Variants in RFFL observed in about 807,000 individuals in gnomAD.
RFFL encodes ring finger and FYVE like domain containing E3 ubiquitin protein ligase.
A neutral mutation model predicts 40.4 loss-of-function variants in RFFL; 16 were observed. The observed-to-expected ratio is 0.40, with a 90% CI of 0.27 to 0.60. The LOEUF is 0.60. RFFL is among the 20% of genes least tolerant of loss of function. The probability of loss-of-function intolerance (pLI) is 0.47; values close to 1 mark genes in which losing one functional copy is unlikely to be tolerated. For missense variants in RFFL, 367 were observed against 451.7 expected (o/e 0.81, Z 1.70); for synonymous variants, 154 against 167.9 (o/e 0.92, Z 0.64).
chr17:35,075,993 T>A (rs2091374107), intron 1 of RFFL, among the ~76,000 whole-genome samples: 2 of 140,306 alleles, frequency 1.4e-5, no homozygotes, highest in African/African-American at 5.4e-5. Flanking sequence ...ATTCTTTTTT[T>A]TTTTTTTTTT....
chr17:35,084,880 A>T (rs1229910053), intron 1 of RFFL, among the ~76,000 whole-genome samples: 1 of 152,138 alleles, frequency 6.6e-6, no homozygotes, highest in East Asian at 1.9e-4. Context: ...AGATCCCGCC[A>T]CTGCACTCCA....
chr17:35,046,433 G>C (rs2091200730), intron 1 of RFFL, among the ~76,000 whole-genome samples: 1 of 152,180 alleles, frequency 6.6e-6, no homozygotes, highest in Non-Finnish European at 1.5e-5. Context: ...ACACACCCAG[G>C]TCTGGGTGTA....
chr17:35,073,794 C>T (rs2091362951), intron 1 of RFFL: 1 of 152,130 alleles, frequency 6.6e-6, no homozygotes, highest in African/African-American at 2.4e-5. Flanking sequence ...CACACACACA[C>T]ACACACACAA....
intron 1 of RFFL, among the ~76,000 whole-genome samples, chr17:35,087,949 C>A (rs1030730375): frequency 6.6e-6 from 1 of 152,172 alleles, no homozygotes; most frequent in Non-Finnish European, 1.5e-5. Flanking sequence ...ACTCTGTACA[C>A]AAATTCAGCC....
chr17:35,072,827 T>C (rs1463556340), intron 1 of RFFL, among the ~76,000 whole-genome samples: 1 of 152,096 alleles, frequency 6.6e-6, no homozygotes, highest in Admixed American at 6.5e-5. Flanking sequence ...GTGGATCACC[T>C]GAGGTGGAGA....
At chr17:35,023,813 C>G (rs1351447711) in intron 2 of RFFL, among the ~76,000 whole-genome samples, 1 of 152,202 alleles carries the variant, frequency 6.6e-6, no homozygotes, top group Non-Finnish European at 1.5e-5. Context: ...AGAATGCAGA[C>G]AACAACCTAG....
intron 1 of RFFL, among the ~76,000 whole-genome samples, chr17:35,075,275 T>A (rs1490832105): frequency 6.6e-6 from 1 of 152,186 alleles, no homozygotes; most frequent in Non-Finnish European, 1.5e-5. Context: ...GCTAAAAAGG[T>A]AAATTTGTTC....
rs953866451 is a variant in RFFL at position 35,021,395 on chromosome 17, T to C, written c.567A>G (p.Pro189=). 1 of 1,522,282 alleles carries C rather than the reference T, an allele frequency of 6.6e-7. No individual in the cohort carries two copies. Among genetic ancestry groups the C allele is most frequent in the Non-Finnish European group, 8.8e-7 (1 of 1,137,422 alleles). The allele number at this position is 1,522,282 out of a possible 1,614,324, so 94.3% of individuals were successfully genotyped here. The change falls in exon 3 of 7, where the codon CCA becomes CCG. Residue 189 remains proline, a synonymous_variant. Transcript: ENST00000394597. ...CCTGCTGATTCTCCTGAACCTGGGC[T>C]GGGGGAACAGAGGTGGCTTGTGCAG... ...SSSAQATSVP[P]AQVQENQQAN...
Position 35,052,288 on chromosome 17 carries a change from T to G in RFFL, c.-9+11288A>C, listed in dbSNP as rs560247771. On this transcript the variant is annotated intron_variant, in intron 1 of 6. Transcript: ENST00000394597. ...AACATGCATTGGAAAATTTCCCTCT[T>G]GAAAGCAATATACTGACAAATTTTA... Among the ~76,000 whole-genome samples the G allele has an allele frequency of 3.9e-5, 6 of 152,336 alleles. No homozygotes were observed. The South Asian group carries it at 1.2e-3, about 32-fold the overall frequency.
At chr17:35,063,198 A>G (rs543453569) in intron 1 of RFFL, among the ~76,000 whole-genome samples, 1 of 152,208 alleles carries the variant, frequency 6.6e-6, no homozygotes, top group South Asian at 2.1e-4. Flanking sequence ...GCTCATGCCT[A>G]TAATTCCAGC....
intron 1 of RFFL, among the ~76,000 whole-genome samples, chr17:35,085,758 A>T (rs753971326): frequency 3.3e-5 from 5 of 152,164 alleles, no homozygotes; most frequent in Non-Finnish European, 7.3e-5. Flanking sequence ...TAAAAAGGAA[A>T]CTGTTTAAAA....
chr17:35,041,512 T>C (rs1185295795), intron 1 of RFFL, among the ~76,000 whole-genome samples: 1 of 151,986 alleles, frequency 6.6e-6, no homozygotes, highest in Non-Finnish European at 1.5e-5. Flanking sequence ...TGACCACTTC[T>C]CCAATTCATG....
At chr17:35,045,700 TA>T (rs909483584) in intron 1 of RFFL, among the ~76,000 whole-genome samples, 20 of 150,890 alleles carry the variant, frequency 1.3e-4, no homozygotes, top group African/African-American at 4.9e-4. Flanking sequence ...GAGCGCTTTT[TA>T]AAAAAAAAGG....
intron 1 of RFFL, among the ~76,000 whole-genome samples, chr17:35,080,110 CACTCCT>C (rs2091396850): frequency 6.6e-6 from 1 of 152,096 alleles, no homozygotes; most frequent in Non-Finnish European, 1.5e-5. Flanking sequence ...CCCTAGAAAA[CACTCCT>C]TCCTCTCTCT....
chr17:35,017,377 T>C lies in RFFL; in HGVS notation c.675+146A>G. 4.8e-6 allele frequency: 3 copies of C among 621,598 alleles called. No individual in the cohort carries two copies. The South Asian group carries it at 5.3e-5, about 11-fold the overall frequency. The allele number at this position is 621,598 out of a possible 1,614,324, so 38.5% of individuals were successfully genotyped here. A position where few individuals can be genotyped will look rare whatever the true frequency, so the allele number is the denominator to read the frequency against. On this transcript the variant is annotated intron_variant, in intron 4 of 6. Transcript: ENST00000394597. ...CGCTTCACTAGTTAACCTGGAACAC[T>C]AACACTAAACCCTACCCCAAAAATA...
chr17:35,037,530 C>G (rs2091131427), intron 1 of RFFL, among the ~76,000 whole-genome samples: 1 of 152,216 alleles, frequency 6.6e-6, no homozygotes, highest in Non-Finnish European at 1.5e-5. Flanking sequence ...CCACTCTCTG[C>G]TGGAAGAATG....
At chr17:35,027,092 C>T (rs1053467632) in intron 1 of RFFL, among the ~76,000 whole-genome samples, 10 of 152,138 alleles carry the variant, frequency 6.6e-5, no homozygotes, top group Non-Finnish European at 1.3e-4. Flanking sequence ...AGCTAATATA[C>T]AGAGTTGAGA....
intron 1 of RFFL, among the ~76,000 whole-genome samples, chr17:35,045,798 C>T (rs1293975216): frequency 6.6e-6 from 1 of 151,900 alleles, no homozygotes; most frequent in African/African-American, 2.4e-5. Flanking sequence ...CTGAAGCCGG[C>T]GGATCACCTG....
intron 1 of RFFL, among the ~76,000 whole-genome samples, chr17:35,070,639 G>A (rs1370809332): frequency 6.6e-6 from 1 of 152,146 alleles, no homozygotes; most frequent in East Asian, 1.9e-4. Flanking sequence ...TGTATTATTT[G>A]TCTATGGGCA....
Sources: gnomAD v4.1 joint callset for allele counts (sites outside exome capture counted in the v4.1 genomes callset) on GRCh38, gnomAD v4.1.1 for gene constraint, MANE v1.5 for transcripts, NCBI Gene and HGNC (gene_info 2026-07-23, HGNC 2026-07-21) for gene names.